TSNARE1: variants seen among roughly 807,000 people sequenced by gnomAD.
TSNARE1 encodes the protein t-SNARE domain containing 1, also known as t-SNARE domain-containing protein 1.
TSNARE1 carries 49 observed loss-of-function variants against 62.0 expected under a neutral mutation model. The ratio of observed to expected loss-of-function variants is 0.79; its 90% CI spans 0.63 to 1.00. The LOEUF (loss-of-function observed/expected upper bound fraction) is 1.00. TSNARE1 is among the 50% of genes least tolerant of loss of function. The pLI, the probability that TSNARE1 is intolerant of heterozygous loss-of-function variation, is 0.00. For missense variants in TSNARE1, 755 were observed against 700.1 expected (o/e 1.08, Z -0.88); for synonymous variants, 328 against 294.4 (o/e 1.11, Z -1.17).
At chr8:142,226,367 G>A (rs1816773335) in intron 13 of TSNARE1, among the ~76,000 whole-genome samples, 1 of 152,164 alleles carries the variant, frequency 6.6e-6, no homozygotes, top group African/African-American at 2.4e-5. Flanking sequence ...AGCAGGCGGG[G>A]GTCCTCTCTG....
intron 4 of TSNARE1, among the ~76,000 whole-genome samples, chr8:142,337,498 A>G (rs1016042279): frequency 2.6e-5 from 4 of 152,256 alleles, no homozygotes; most frequent in Non-Finnish European, 4.4e-5. Context: ...CCGCCCAGCA[A>G]TAAAGCCAGG....
chr8:142,307,859 G>A (rs528158304), intron 9 of TSNARE1, among the ~76,000 whole-genome samples: 35 of 152,318 alleles, frequency 2.3e-4, no homozygotes, highest in African/African-American at 7.5e-4. Context: ...GAGTGCAACC[G>A]CCTGCACGCA....
At chr8:142,275,756 C>A (rs1156746505) in intron 11 of TSNARE1, 1 of 985,344 alleles carries the variant, frequency 1.0e-6, no homozygotes, top group Non-Finnish European at 1.2e-6. Context: ...GCAGTGCCTA[C>A]CAGGGCACAG....
intron 1 of TSNARE1, among the ~76,000 whole-genome samples, chr8:142,365,309 G>A (rs1188512101): frequency 3.3e-5 from 5 of 152,194 alleles, no homozygotes; most frequent in African/African-American, 7.2e-5. Flanking sequence ...AGACTGAGGT[G>A]TTGTCTGAAA....
At chr8:142,266,751 G>A (rs1000611558) in intron 12 of TSNARE1, among the ~76,000 whole-genome samples, 1 of 152,036 alleles carries the variant, frequency 6.6e-6, no homozygotes, top group Non-Finnish European at 1.5e-5. Context: ...TCACATCAAC[G>A]ACCTCTTCAC....
intron 1 of TSNARE1, among the ~76,000 whole-genome samples, chr8:142,394,688 C>A (rs1305420575): frequency 6.6e-6 from 1 of 152,206 alleles, no homozygotes; most frequent in Non-Finnish European, 1.5e-5. Context: ...TCAGGTTGGA[C>A]AGAAAACAAC....
chr8:142,383,365 C>A (rs1378389691), intron 1 of TSNARE1, among the ~76,000 whole-genome samples: 2 of 152,176 alleles, frequency 1.3e-5, no homozygotes, highest in African/African-American at 4.8e-5. Flanking sequence ...AAGGCACCAC[C>A]CAGTACAGAG....
chr8:142,274,722 TGGA>T, intron 12 of TSNARE1, 56 bp downstream of exon 12: 1 of 1,428,608 alleles, frequency 7.0e-7, no homozygotes, highest in Non-Finnish European at 9.2e-7. Context: ...GAGGGAGGGT[TGGA>T]GGATAGGGGA....
chr8:142,401,602 A>G (rs547629661), intron 1 of TSNARE1, among the ~76,000 whole-genome samples: 142 of 152,282 alleles, frequency 9.3e-4, no homozygotes, highest in African/African-American at 3.3e-3. Context: ...CAGCATCTAC[A>G]GAAGGCCAGA....
chr8:142,270,077 G>A, intron 12 of TSNARE1: 2 of 985,430 alleles, frequency 2.0e-6, no homozygotes, highest in Non-Finnish European at 2.4e-6. Flanking sequence ...TTTGGGCCAT[G>A]GGAGCCAGGC....
At chr8:142,267,268 G>A (rs951935604) in intron 12 of TSNARE1, among the ~76,000 whole-genome samples, 2 of 152,202 alleles carry the variant, frequency 1.3e-5, no homozygotes, top group Admixed American at 6.5e-5. Context: ...CCAAAGGCCT[G>A]ACTAGGGGAT....
intron 1 of TSNARE1, among the ~76,000 whole-genome samples, chr8:142,381,220 C>G (rs1244177711): frequency 6.6e-6 from 1 of 152,252 alleles, no homozygotes; most frequent in Non-Finnish European, 1.5e-5. Context: ...ACTCCTGTCT[C>G]CACAGCATCC....
upstream of TSNARE1, chr8:142,406,982 A>G (rs1363088275): frequency 6.6e-6 from 1 of 152,286 alleles, no homozygotes; most frequent in Non-Finnish European, 1.5e-5. Flanking sequence ...TTTAACATGG[A>G]GCAGGAGTGA....
chr8:142,376,131 A>G (rs56372625), intron 1 of TSNARE1, among the ~76,000 whole-genome samples: 177 of 152,334 alleles, frequency 1.2e-3, no homozygotes, highest in Admixed American at 1.9e-3. Flanking sequence ...GAATCGCTCC[A>G]TCTCTCTGAG....
chr8:142,318,287 C>T (rs1418109826), intron 7 of TSNARE1, among the ~76,000 whole-genome samples: 1 of 152,216 alleles, frequency 6.6e-6, no homozygotes, highest in Non-Finnish European at 1.5e-5. Context: ...GTCCCCACTA[C>T]TGCATAAGCC....
chr8:142,252,748 T>C (rs58530789), intron 12 of TSNARE1, among the ~76,000 whole-genome samples: 2,738 of 152,326 alleles, frequency 0.018, 117 homozygotes, highest in Admixed American at 0.093. Flanking sequence ...CATTCTTGTG[T>C]GCAACAGTTT....
intron 12 of TSNARE1, among the ~76,000 whole-genome samples, chr8:142,246,052 G>A (rs545968911): frequency 4.6e-5 from 7 of 152,282 alleles, no homozygotes; most frequent in East Asian, 3.9e-4. Context: ...CCAAAGACAC[G>A]GCACAGCAGA....
intron 4 of TSNARE1, among the ~76,000 whole-genome samples, chr8:142,338,231 C>A (rs1055358778): frequency 1.1e-4 from 17 of 152,260 alleles, no homozygotes; most frequent in African/African-American, 4.1e-4. Flanking sequence ...CGTCCCCCCA[C>A]GTCTCACTGC....
intron 4 of TSNARE1, among the ~76,000 whole-genome samples, chr8:142,339,501 A>G (rs770177553): frequency 1.8e-4 from 28 of 152,228 alleles, no homozygotes; most frequent in South Asian, 4.2e-4. Flanking sequence ...CTCAGAGTGG[A>G]TAGAGCAAAT....
Sources: allele counts gnomAD v4.1 joint callset (sites outside exome capture counted in the v4.1 genomes callset), GRCh38; gene constraint gnomAD v4.1.1; transcripts MANE v1.5; gene names NCBI Gene and HGNC (gene_info 2026-07-23, HGNC 2026-07-21).